The following CDH12 variants were observed in gnomAD, a reference collection of about 807,000 sequenced individuals.
CDH12 encodes the protein cadherin-12.
A neutral mutation model predicts 74.1 loss-of-function variants in CDH12; 41 were observed. That is an observed-to-expected ratio of 0.55 (90% CI 0.43 to 0.72). CDH12 has a LOEUF of 0.72. Ranked by LOEUF, CDH12 falls within the 30% of genes least tolerant of loss-of-function variation. The pLI is 0.00. For missense variants in CDH12, 945 were observed against 977.2 expected, an observed-to-expected ratio of 0.97 and a Z score of 0.44; for synonymous variants, 399 against 355.0, an observed-to-expected ratio of 1.12 and a Z score of -1.39.
At chr5:22,521,255 T>C (rs1397108877) in intron 1 of CDH12, among the ~76,000 whole-genome samples, 1 of 151,878 alleles carries the variant, frequency 6.6e-6, no homozygotes, top group Non-Finnish European at 1.5e-5. Context: ...TATATTAATA[T>C]TTAATGGCAT....
chr5:22,459,560 C>T (rs1745418558), intron 2 of CDH12, among the ~76,000 whole-genome samples: 3 of 152,100 alleles, frequency 2.0e-5, no homozygotes. Context: ...ACTCATGTGG[C>T]TGTGATAATT....
intron 8 of CDH12, among the ~76,000 whole-genome samples, chr5:21,819,560 G>A (rs186606705): frequency 5.2e-4 from 79 of 152,054 alleles, no homozygotes; most frequent in African/African-American, 1.9e-3. Flanking sequence ...GTCCAAACTC[G>A]TGGCTCATAA....
At chr5:22,653,081 T>G (rs574614160) in intron 1 of CDH12, among the ~76,000 whole-genome samples, 1 of 152,296 alleles carries the variant, frequency 6.6e-6, no homozygotes, top group East Asian at 1.9e-4. Context: ...AAGAGTGATA[T>G]GTCTTAGTCA....
At chr5:21,954,772 A>G (rs2917798) in intron 6 of CDH12, among the ~76,000 whole-genome samples, 1 of 152,016 alleles carries the variant, frequency 6.6e-6, no homozygotes, top group Admixed American at 6.6e-5. Flanking sequence ...AAAAAGAGAG[A>G]GATTAGTTAT....
At chr5:21,929,137 A>G (rs1404148978) in intron 6 of CDH12, among the ~76,000 whole-genome samples, 2 of 152,004 alleles carry the variant, frequency 1.3e-5, no homozygotes, top group African/African-American at 2.4e-5. Flanking sequence ...AATGTACTCT[A>G]TATCAGCGGT....
chr5:22,065,151 A>G (rs905312293), intron 5 of CDH12, among the ~76,000 whole-genome samples: 5 of 152,074 alleles, frequency 3.3e-5, no homozygotes, highest in African/African-American at 1.2e-4. Context: ...TCTTCCCAGG[A>G]CCCACCTCAC....
intron 1 of CDH12, among the ~76,000 whole-genome samples, chr5:22,850,278 T>C (rs1737491889): frequency 6.6e-6 from 1 of 152,042 alleles, no homozygotes; most frequent in African/African-American, 2.4e-5. Flanking sequence ...CACATTTTCC[T>C]TTTAAAGTTT....
intron 3 of CDH12, among the ~76,000 whole-genome samples, chr5:22,398,029 G>T (rs556078108): frequency 2.6e-5 from 4 of 152,070 alleles, no homozygotes; most frequent in Non-Finnish European, 5.9e-5. Context: ...AACTACTCTT[G>T]CCACCATTAG....
At chr5:22,320,674 C>T (rs1738836184) in intron 3 of CDH12, among the ~76,000 whole-genome samples, 1 of 152,196 alleles carries the variant, frequency 6.6e-6, no homozygotes, top group Non-Finnish European at 1.5e-5. Context: ...TGAGATTAAA[C>T]ATTTCACATG....
At chr5:22,567,116 T>C (rs1168944480) in intron 1 of CDH12, among the ~76,000 whole-genome samples, 2 of 152,170 alleles carry the variant, frequency 1.3e-5, no homozygotes, top group African/African-American at 4.8e-5. Context: ...AATATACTTG[T>C]GGTAATATTG....
intron 7 of CDH12, among the ~76,000 whole-genome samples, chr5:21,846,944 T>A (rs979968524): frequency 6.6e-6 from 1 of 152,238 alleles, no homozygotes; most frequent in African/African-American, 2.4e-5. Context: ...CTCACGGGAC[T>A]GGCAGATGAA....
At chr5:21,985,743 G>A (rs1346183867) in intron 5 of CDH12, among the ~76,000 whole-genome samples, 1 of 151,946 alleles carries the variant, frequency 6.6e-6, no homozygotes, top group Non-Finnish European at 1.5e-5. Context: ...TTTTGAAGTT[G>A]CCTAGTTTCA....
intron 2 of CDH12, among the ~76,000 whole-genome samples, chr5:22,419,959 G>A (rs990282871): frequency 1.3e-5 from 2 of 151,678 alleles, no homozygotes; most frequent in South Asian, 4.2e-4. Flanking sequence ...TTTGATAAAT[G>A]TCTGTTCTTG....
In CDH12 at chr5:21,832,890, A is replaced by ATATATTATATATTATATATAT. The variant is rs1319958053; in HGVS notation, c.814+9270_814+9271insATATATATAATATATAATATA. ...ATATGATATATGATATAATATTAATATATATCATATAATATATGATATAAT... is the reference window on the plus strand; with the variant it reads ...ATATGATATATGATATAATATTAATATATATTATATATTATATATATTATATCATATAATATATGATATAAT... On this transcript the variant is annotated intron_variant, in intron 8 of 14. Coordinates refer to ENST00000382254, the MANE Select transcript of CDH12 (RefSeq NM_004061.5). Among the ~76,000 whole-genome samples, 11 of 82,846 alleles carry ATATATTATATATTATATATAT rather than the reference A, an allele frequency of 1.3e-4. 1 individual carries two copies. Among genetic ancestry groups the ATATATTATATATTATATATAT allele is most frequent in the African/African-American group, 8.3e-4 (11 of 13,264 alleles). 54.4% of individuals were successfully genotyped at this position (82,846 alleles called of 152,430 possible).
At chr5:22,701,153 G>T (rs1024143868) in intron 1 of CDH12, among the ~76,000 whole-genome samples, 3 of 151,960 alleles carry the variant, frequency 2.0e-5, no homozygotes, top group Non-Finnish European at 4.4e-5. Flanking sequence ...CACCTTAGAG[G>T]CTCCTTTGGC....
At chr5:21,833,078 AT>A (rs1304197994) in intron 8 of CDH12, among the ~76,000 whole-genome samples, 2 of 53,742 alleles carry the variant, frequency 3.7e-5, no homozygotes, top group Non-Finnish European at 6.8e-5. Context: ...TATAATATAT[AT>A]TATATTATAA....
At chr5:22,575,090 G>C (rs1739718849) in intron 1 of CDH12, among the ~76,000 whole-genome samples, 1 of 152,110 alleles carries the variant, frequency 6.6e-6, no homozygotes, top group Non-Finnish European at 1.5e-5. Flanking sequence ...TAGGACAGCA[G>C]GTAGAAAGAG....
intron 10 of CDH12, among the ~76,000 whole-genome samples, chr5:21,795,840 C>T (rs1007683627): frequency 2.0e-5 from 3 of 151,954 alleles, no homozygotes; most frequent in African/African-American, 7.2e-5. Flanking sequence ...AAAGGACCTT[C>T]AAATGCAAAC....
At chr5:22,399,302 C>A (rs746891231) in intron 3 of CDH12, among the ~76,000 whole-genome samples, 3 of 151,852 alleles carry the variant, frequency 2.0e-5, no homozygotes, top group Admixed American at 6.6e-5. Flanking sequence ...GTATATGTGG[C>A]AGCAAGGATA....
Sources: gnomAD v4.1 joint callset for allele counts (sites outside exome capture counted in the v4.1 genomes callset) on GRCh38, gnomAD v4.1.1 for gene constraint, MANE v1.5 for transcripts, NCBI Gene and HGNC (gene_info 2026-07-23, HGNC 2026-07-21) for gene names.